The following RBFOX1 variants were observed in gnomAD, a reference collection of about 807,000 sequenced individuals.
The protein encoded by RBFOX1 is RNA binding protein fox-1 homolog 1.
Under a neutral mutation model 57.7 loss-of-function variants are expected in RBFOX1, and 8 were observed. The ratio of observed to expected loss-of-function variants is 0.14; its 90% CI spans 0.08 to 0.25. The LOEUF (loss-of-function observed/expected upper bound fraction) is 0.25, where lower values mean the gene tolerates loss of function less well. Ranked by LOEUF, RBFOX1 falls within the 10% of genes least tolerant of loss-of-function variation. The pLI is 1.00. For synonymous variants in RBFOX1, 326 were observed against 222.4 expected, an observed-to-expected ratio of 1.47 and a Z score of -4.15; for missense variants, 611 against 548.5, an observed-to-expected ratio of 1.11 and a Z score of -1.14.
chr16:6,977,544 A>G (rs1452186262), intron 3 of RBFOX1, among the ~76,000 whole-genome samples: 1 of 152,078 alleles, frequency 6.6e-6, no homozygotes, highest in Non-Finnish European at 1.5e-5. Flanking sequence ...CTGTAGTTCG[A>G]AGACCTCTGA....
chr16:6,303,148 T>C (rs1418446322), intron 1 of RBFOX1, among the ~76,000 whole-genome samples: 1 of 152,228 alleles, frequency 6.6e-6, no homozygotes, highest in African/African-American at 2.4e-5. Flanking sequence ...TTCATTGTAG[T>C]TGTGAGACCT....
At position 6,214,139 on chromosome 16, in the gene RBFOX1, G is replaced by A. The variant is rs150116610; in HGVS notation, c.-126-102856G>A. Among the ~76,000 whole-genome samples the A allele has an allele frequency of 5.2e-3, 789 of 152,274 alleles. 7 individuals are homozygous for A. The highest frequency in any genetic ancestry group is 0.018 in the African/African-American group (736 of 41,568). On this transcript the variant is annotated intron_variant, in intron 1 of 15. Transcript: ENST00000550418. ...CTAGTTCCTCAAATGAGACAAACCC[G>A]TTGTCATTGAGACGTTGCATGTGTA...
At chr16:5,499,339 C>T (rs991731054) in intron 2 of RBFOX1, among the ~76,000 whole-genome samples, 1 of 152,058 alleles carries the variant, frequency 6.6e-6, no homozygotes, top group African/African-American at 2.4e-5. Context: ...CTCTTGCTGC[C>T]CCTGTTGGTA....
intron 3 of RBFOX1, among the ~76,000 whole-genome samples, chr16:6,842,610 C>A (rs996970206): frequency 6.7e-6 from 1 of 150,116 alleles, no homozygotes; most frequent in African/African-American, 2.5e-5. Context: ...TATCCAGTTT[C>A]CTGCTGACAG....
rs537840217 is a variant in RBFOX1, at chr16:5,947,126, G to A, written c.351+79791G>A. On this transcript the variant is annotated intron_variant, in intron 4 of 19. Transcript: ENST00000641259. The surrounding 1 kb of genome is among the most constrained non-coding windows in gnomAD (Gnocchi z 7.2). ...AGATACTCAGGAGGCTGAGGTAGGA[G>A]GATCATGTGAACTCAGGAGGTTGAG... Among the ~76,000 whole-genome samples the A allele has an allele frequency of 6.6e-6, 1 of 152,242 alleles. No individual in the cohort carries two copies. Among genetic ancestry groups the A allele is most frequent in the South Asian group, 2.1e-4 (1 of 4,820 alleles).
intron 2 of RBFOX1, among the ~76,000 whole-genome samples, chr16:6,425,902 C>CATT (rs2093912143): frequency 6.6e-6 from 1 of 152,148 alleles, no homozygotes; most frequent in Non-Finnish European, 1.5e-5. Context: ...GTATTTAGTA[C>CATT]ATTAGCTTCC....
chr16:5,809,065 A>G (rs1368083048), intron 3 of RBFOX1, among the ~76,000 whole-genome samples: 1 of 152,174 alleles, frequency 6.6e-6, no homozygotes, highest in Non-Finnish European at 1.5e-5. Flanking sequence ...AAAAACAAGC[A>G]ATGGGGAAAG....
chr16:6,332,610 C>G (rs529488717), intron 2 of RBFOX1, among the ~76,000 whole-genome samples: 178 of 152,256 alleles, frequency 1.2e-3, no homozygotes, highest in African/African-American at 4.0e-3. Flanking sequence ...TATCTTCATA[C>G]ACACACATGC....
At chr16:6,637,430 T>TAA (rs1555636558) in intron 2 of RBFOX1, among the ~76,000 whole-genome samples, 2 of 23,496 alleles carry the variant, frequency 8.5e-5, no homozygotes, top group South Asian at 2.0e-3. Flanking sequence ...TATAAATATA[T>TAA]TATATAAATA....
chr16:7,607,212 T>A, intron 9 of RBFOX1, 73 bp from the exon 10 acceptor site: 1 of 1,374,944 alleles, frequency 7.3e-7, no homozygotes, highest in Middle Eastern at 1.9e-4. Context: ...CCCATTTGAT[T>A]TGTGATTCAT....
In RBFOX1 at chr16:7,327,584, A is replaced by T. The variant is rs1023476430; in HGVS notation, c.28-190563A>T. On this transcript the variant is annotated intron_variant, in intron 4 of 15. Coordinates refer to ENST00000550418, the MANE Select transcript of RBFOX1 (RefSeq NM_018723.4). ...ATGCATTTTGTTTTGTTCTGTTTTG[A>T]TAGTCAACAAATGGCAACTGACAGC... Among the ~76,000 whole-genome samples, 6 of 152,304 alleles carry T rather than the reference A, an allele frequency of 3.9e-5. No homozygotes were observed. In the East Asian group the frequency reaches 9.6e-4, roughly 24 times the overall value.
intron 1 of RBFOX1, chr16:5,467,197 T>TCTCTC (rs60828774): frequency 8.3e-4 from 731 of 875,824 alleles, no homozygotes; most frequent in Middle Eastern, 1.1e-3. Context: ...TCTCTCTCTC[T>TCTCTC]TTTTTTTTTT....
chr16:6,880,334 C>G (rs1434881760), intron 3 of RBFOX1, among the ~76,000 whole-genome samples: 1 of 152,136 alleles, frequency 6.6e-6, no homozygotes, highest in African/African-American at 2.4e-5. Flanking sequence ...CTCTGTTGTT[C>G]CTGACCACTG....
rs999969828 is a variant in RBFOX1 at position 6,269,524 on chromosome 16, CCCAT to C, written c.-126-47470_-126-47467del. ...TGCACGCCATCCTTATAGGAGGAAA[CCCAT>C]TTGAAAGAGAACAGATTTCTCATCA... On this transcript the variant is annotated intron_variant, in intron 1 of 15. Coordinates refer to ENST00000550418, the MANE Select transcript of RBFOX1 (RefSeq NM_018723.4). 4.2e-4 allele frequency among the ~76,000 whole-genome samples: 64 copies of C among 152,266 alleles called. 1 individual carries two copies. The highest frequency in any genetic ancestry group is 1.5e-3 in the African/African-American group (63 of 41,550).
chr16:7,387,748 C>A (rs184163270), intron 4 of RBFOX1, among the ~76,000 whole-genome samples: 1 of 152,106 alleles, frequency 6.6e-6, no homozygotes, highest in Non-Finnish European at 1.5e-5. Context: ...CCAGGCCTCC[C>A]CACAATCCCA....
intron 4 of RBFOX1, among the ~76,000 whole-genome samples, chr16:7,254,498 C>CTT (rs72529074): frequency 0.032 from 4,792 of 150,946 alleles, 106 homozygotes; most frequent in Middle Eastern, 0.055. Flanking sequence ...CTCTCTCTCT[C>CTT]TTTTTTTTTA....
chr16:6,472,914 TG>T (rs2095211855), intron 2 of RBFOX1, among the ~76,000 whole-genome samples: 1 of 152,102 alleles, frequency 6.6e-6, no homozygotes, highest in African/African-American at 2.4e-5. Context: ...CGTAAACCAC[TG>T]TGCCCGGCCC....
chr16:7,011,735 C>T (rs561991331), intron 3 of RBFOX1, among the ~76,000 whole-genome samples: 13 of 152,098 alleles, frequency 8.5e-5, no homozygotes, highest in Non-Finnish European at 1.6e-4. Flanking sequence ...AGGATGGTCT[C>T]GATCTCCTGA....
Position 5,246,759 on chromosome 16 carries a change from C to T in RBFOX1, c.219+6654C>T, listed in dbSNP as rs1364230636. ...GATCTTGGCTGACTGCAGCCTTGGCCTCCCAAGCTCAATCAATCCTTCCAC... is the reference window on the plus strand; with the variant it reads ...GATCTTGGCTGACTGCAGCCTTGGCTTCCCAAGCTCAATCAATCCTTCCAC... On this transcript the variant is annotated intron_variant, in intron 1 of 2. Coordinates refer to the RBFOX1 transcript ENST00000585867. Among the ~76,000 whole-genome samples, 3 of 151,986 alleles carry T rather than the reference C, an allele frequency of 2.0e-5. No homozygotes were observed. In the East Asian group the frequency reaches 5.8e-4, roughly 29 times the overall value.
Sources: allele counts gnomAD v4.1 joint callset (sites outside exome capture counted in the v4.1 genomes callset), GRCh38; gene constraint gnomAD v4.1.1; non-coding constraint Gnocchi (gnomAD v3.1); transcripts MANE v1.5; gene names NCBI Gene and HGNC (gene_info 2026-07-23, HGNC 2026-07-21).